BEAN1: variants seen among roughly 807,000 people sequenced by gnomAD.
BEAN1 encodes the protein protein BEAN1.
Under a neutral mutation model 17.7 loss-of-function variants are expected in BEAN1, and 17 were observed. The ratio of observed to expected loss-of-function variants is 0.96; its 90% CI spans 0.66 to 1.44. The LOEUF (loss-of-function observed/expected upper bound fraction) is 1.44. BEAN1 is among the 40% of genes most tolerant of loss of function. BEAN1 has a pLI of 0.00. For synonymous variants in BEAN1, 142 were observed against 151.8 expected, an observed-to-expected ratio of 0.94 and a Z score of 0.47; for missense variants, 359 against 374.1, an observed-to-expected ratio of 0.96 and a Z score of 0.33.
chr16:66,492,486 C>A (rs999772506), intron 4 of BEAN1, among the ~76,000 whole-genome samples: 2 of 152,088 alleles, frequency 1.3e-5, no homozygotes, highest in African/African-American at 4.8e-5. Flanking sequence ...GTGGCCCAGG[C>A]TGGAGAGCAG....
intron 2 of BEAN1, among the ~76,000 whole-genome samples, chr16:66,440,916 T>A (rs1298690624): frequency 6.6e-6 from 1 of 152,166 alleles, no homozygotes; most frequent in Non-Finnish European, 1.5e-5. Context: ...TCAGTTCCCC[T>A]CCTATCATAC....
At chr16:66,442,034 G>C (rs1175019393) in intron 2 of BEAN1, among the ~76,000 whole-genome samples, 1 of 152,200 alleles carries the variant, frequency 6.6e-6, no homozygotes. Context: ...AACAAGAAAG[G>C]GGGAGGCAGT....
At position 66,473,709 on chromosome 16, in the gene BEAN1, T is replaced by A. The variant is rs1161324990; in HGVS notation, c.289+3844T>A. 6.6e-6 allele frequency among the ~76,000 whole-genome samples: 1 copy of A among 151,284 alleles called. No individual in the cohort carries two copies. The highest frequency in any genetic ancestry group is 2.4e-5 in the African/African-American group (1 of 41,004). ...AAGACCCTGTCTCTAAATAAATAAATAAATAAATAAATAATAAATAATAAA... is the reference window on the plus strand; with the variant it reads ...AAGACCCTGTCTCTAAATAAATAAAAAAATAAATAAATAATAAATAATAAA... On this transcript the variant is annotated intron_variant, in intron 3 of 4. Coordinates refer to ENST00000536005, the MANE Select transcript of BEAN1 (RefSeq NM_001178020.3). The surrounding 1 kb of genome is among the most constrained non-coding windows in gnomAD (Gnocchi z 4.5).
In BEAN1 at chr16:66,469,850, T is replaced by A. The variant is rs1437828469; in HGVS notation, c.274T>A (p.Tyr92Asn). ...CCACCGCCGGCGTCGACACCGAGAGTACGAGCACGGCTACGGTGAGCCGCC... is the reference window on the plus strand; with the variant it reads ...CCACCGCCGGCGTCGACACCGAGAGAACGAGCACGGCTACGGTGAGCCGCC... The part of the protein sequence containing the change: ...HHHRRRRHRE[Y>N]EHGYVSDEHT... The change falls in exon 3 of 5, where the codon TAC becomes AAC. Residue 92 changes from tyrosine to asparagine, a missense_variant. Coordinates refer to ENST00000536005, the MANE Select transcript of BEAN1 (RefSeq NM_001178020.3). 2.6e-6 allele frequency: 4 copies of A among 1,526,306 alleles called. No individual in the cohort carries two copies. The East Asian group carries it at 9.9e-5, about 38-fold the overall frequency. 94.5% of individuals were successfully genotyped at this position (1,526,306 alleles called of 1,614,324 possible).
chr16:66,461,254 A>C (rs1963072027), intron 2 of BEAN1, among the ~76,000 whole-genome samples: 1 of 152,116 alleles, frequency 6.6e-6, no homozygotes, highest in Non-Finnish European at 1.5e-5. Context: ...CTTTTTGATA[A>C]AATAGGCCCT....
chr16:66,491,633 TC>T (rs1315366246), intron 4 of BEAN1, among the ~76,000 whole-genome samples: 2 of 152,046 alleles, frequency 1.3e-5, no homozygotes, highest in Non-Finnish European at 2.9e-5. Context: ...AGACAATTTT[TC>T]CACAGACAGG....
chr16:66,445,249 G>A (rs1567487690), intron 2 of BEAN1, among the ~76,000 whole-genome samples: 2 of 151,700 alleles, frequency 1.3e-5, no homozygotes, highest in Non-Finnish European at 2.9e-5. Flanking sequence ...GGCCGAGGCA[G>A]GCAGATCACA....
intron 2 of BEAN1, among the ~76,000 whole-genome samples, chr16:66,465,826 T>G (rs1174307878): frequency 6.6e-6 from 1 of 152,254 alleles, no homozygotes; most frequent in African/African-American, 2.4e-5. Context: ...TTCCTTACTT[T>G]TGTGTATTTC....
At chr16:66,446,898 C>T (rs150147963) in intron 2 of BEAN1, among the ~76,000 whole-genome samples, 100 of 152,222 alleles carry the variant, frequency 6.6e-4, no homozygotes, top group African/African-American at 2.3e-3. Flanking sequence ...GGACCTGTGC[C>T]CAGGTGATTG....
intron 4 of BEAN1, among the ~76,000 whole-genome samples, chr16:66,491,598 T>A (rs1964176617): frequency 6.6e-6 from 1 of 152,146 alleles, no homozygotes; most frequent in Non-Finnish European, 1.5e-5. Context: ...CCAACCTTTT[T>A]GGCACCAGGG....
downstream of BEAN1, chr16:66,486,097 C>G (rs1445750717): frequency 1.3e-5 from 2 of 151,906 alleles, no homozygotes; most frequent in Non-Finnish European, 2.9e-5. Flanking sequence ...TTGGTTGGTT[C>G]ATAATCCAAA....
chr16:66,457,987 G>A (rs1962937110), intron 2 of BEAN1, among the ~76,000 whole-genome samples: 1 of 152,164 alleles, frequency 6.6e-6, no homozygotes, highest in African/African-American at 2.4e-5. Context: ...GTCCATTTCA[G>A]CAGTGGAGGA....
rs2087694673 is a variant in BEAN1, at chr16:66,427,341, T to TG, written c.-170dup. 6.6e-6 allele frequency: 1 copy of TG among 151,230 alleles called. No homozygotes were observed. The highest frequency in any genetic ancestry group is 2.4e-5 in the African/African-American group (1 of 41,142). 9.4% of individuals were successfully genotyped at this position (151,230 alleles called of 1,614,324 possible). ...AGTGGCCTCCGAGCGGGAACCGGACTGGGAGCCGGAGCCGGGGCGGGAACC... is the reference window on the plus strand; with the variant it reads ...AGTGGCCTCCGAGCGGGAACCGGACTGGGGAGCCGGAGCCGGGGCGGGAACC... On this transcript the variant is annotated 5_prime_UTR_variant, in exon 1 of 5. Transcript: ENST00000536005. The surrounding 1 kb of genome is among the most constrained non-coding windows in gnomAD (Gnocchi z 4.7).
intron 2 of BEAN1, chr16:66,451,270 C>T (rs1048696731): frequency 1.3e-5 from 2 of 152,796 alleles, no homozygotes; most frequent in South Asian, 4.1e-4. Flanking sequence ...GAAACATTCT[C>T]CAGTGTCCTG....
At position 66,434,449 on chromosome 16, in the gene BEAN1, C is replaced by T. The variant is rs189028738; in HGVS notation, c.-82-3146C>T. On this transcript the variant is annotated intron_variant, in intron 1 of 4. Coordinates refer to ENST00000536005, the MANE Select transcript of BEAN1 (RefSeq NM_001178020.3). The surrounding 1 kb of genome is among the most constrained non-coding windows in gnomAD (Gnocchi z 4.3). ...GGGAGTGGTTTTCTTCTGGGTCCTC[C>T]GGCAGAAATCCTGGAGTGGGGGAAG... 2.0e-4 allele frequency among the ~76,000 whole-genome samples: 31 copies of T among 152,202 alleles called. No individual in the cohort carries two copies. The highest frequency in any genetic ancestry group is 3.7e-4 in the Non-Finnish European group (25 of 68,008).
At chr16:66,457,174 TTAAG>T (rs1223860088) in intron 2 of BEAN1, among the ~76,000 whole-genome samples, 1 of 152,172 alleles carries the variant, frequency 6.6e-6, no homozygotes, top group East Asian at 1.9e-4. Flanking sequence ...CAGGCATGAA[TTAAG>T]TGTTTGGTGA....
chr16:66,466,934 A>G (rs1210156022), intron 2 of BEAN1, among the ~76,000 whole-genome samples: 4 of 152,192 alleles, frequency 2.6e-5, no homozygotes, highest in Non-Finnish European at 5.9e-5. Flanking sequence ...GACAAATCCA[A>G]TTTGTCAGTA....
intron 2 of BEAN1, among the ~76,000 whole-genome samples, chr16:66,443,605 T>C (rs1195609649): frequency 6.6e-6 from 1 of 152,196 alleles, no homozygotes; most frequent in East Asian, 1.9e-4. Flanking sequence ...AGTTCTCTGG[T>C]CTAGCACAAA....
chr16:66,469,099 T>G (rs758408824), intron 2 of BEAN1, among the ~76,000 whole-genome samples: 1 of 152,212 alleles, frequency 6.6e-6, no homozygotes, highest in Non-Finnish European at 1.5e-5. Context: ...TCCAAGCCCC[T>G]GACGCATCTG....
Sources: allele counts gnomAD v4.1 joint callset (sites outside exome capture counted in the v4.1 genomes callset), GRCh38; gene constraint gnomAD v4.1.1; non-coding constraint Gnocchi (gnomAD v3.1); transcripts MANE v1.5; gene names NCBI Gene and HGNC (gene_info 2026-07-23, HGNC 2026-07-21).